The following IARS1 variants were observed in gnomAD, a reference collection of about 807,000 sequenced individuals.
The protein encoded by IARS1 is isoleucyl-tRNA synthetase 1, also known as isoleucine--tRNA ligase, cytoplasmic.
IARS1 carries 124 observed loss-of-function variants against 168.2 expected under a neutral mutation model. The observed-to-expected ratio is 0.74, with a 90% confidence interval of 0.64 to 0.86. The LOEUF is 0.86. IARS1 is among the 40% of genes least tolerant of loss of function. The pLI is 0.00. For synonymous variants in IARS1, 532 were observed against 529.4 expected, an observed-to-expected ratio of 1.00 and a Z score of -0.07; for missense variants, 1,452 against 1,515.8, an observed-to-expected ratio of 0.96 and a Z score of 0.70.
chr9:92,222,823 C>G (rs1442161975), intron 32 of IARS1, 151 bp from the exon 33 acceptor site: 2 of 601,360 alleles, frequency 3.3e-6, no homozygotes, highest in East Asian at 2.8e-5. Context: ...GCAGTCCATG[C>G]AGAAACAGCT....
In IARS1 at chr9:92,274,391, T is replaced by C. The variant is rs1244350796; in HGVS notation, c.990+35A>G. 2.0e-6 allele frequency: 3 copies of C among 1,517,518 alleles called. No individual in the cohort carries two copies. In the South Asian group the frequency reaches 3.4e-5, roughly 17 times the overall value. The allele number at this position is 1,517,518 out of a possible 1,614,324, so 94.0% of individuals were successfully genotyped here. On this transcript the variant is annotated intron_variant, in intron 10 of 33. Transcript: ENST00000443024. ...CATCTATGAAAAGTGGCTACCGACA[T>C]ACTCAAATACATTTGCCAGACTTAT...
At chr9:92,256,997 T>C (rs1830823860) in intron 19 of IARS1, among the ~76,000 whole-genome samples, 197 bp from the exon 20 acceptor site, 1 of 152,252 alleles carries the variant, frequency 6.6e-6, no homozygotes, top group Non-Finnish European at 1.5e-5. Context: ...TAATTTATTA[T>C]GTTTTTGAGT....
In IARS1 at chr9:92,250,828, A is replaced by G; in HGVS notation, c.2314T>C (p.Tyr772His). 6.2e-7 allele frequency: 1 copy of G among 1,606,072 alleles called. No individual in the cohort carries two copies. The highest frequency in any genetic ancestry group is 1.1e-5 in the South Asian group (1 of 89,360). ...ATCAATTCAGTGAGAAAAGGTGTGT[A>G]GGGAGCCTGTATGAAGACACAGGAC... is the stretch of plus-strand genomic sequence containing the variant. ...LLSLCRLMAPYTPFLTELMYQ... is the reference protein window; with the variant it reads ...LLSLCRLMAPHTPFLTELMYQ... Residue 772 changes from tyrosine to histidine, a missense_variant, in exon 23 of 34, where the codon TAC becomes CAC. Tyr to His is a moderately conservative substitution (Grantham distance 83). Coordinates refer to ENST00000443024, the MANE Select transcript of IARS1 (RefSeq NM_002161.6).
At chr9:92,223,096 T>G (rs1839896426) in intron 32 of IARS1, among the ~76,000 whole-genome samples, 1 of 152,184 alleles carries the variant, frequency 6.6e-6, no homozygotes, top group South Asian at 2.1e-4. Context: ...GATTAAAATG[T>G]TTTGGCACTC....
chr9:92,242,565 C>G (rs762833628), intron 28 of IARS1: 26 of 499,696 alleles, frequency 5.2e-5, no homozygotes, highest in Non-Finnish European at 8.1e-5. Flanking sequence ...CTAGAACAAT[C>G]AGTACCTCAT....
chr9:92,231,534 C>T (rs1350710606), intron 30 of IARS1, among the ~76,000 whole-genome samples: 1 of 150,996 alleles, frequency 6.6e-6, no homozygotes, highest in East Asian at 1.9e-4. Context: ...CTACTTCAGC[C>T]TCTCGAGTAG....
At position 92,235,309 on chromosome 9, in the gene IARS1, G is replaced by T. The variant is rs540421638; in HGVS notation, c.3283+5547C>A. On this transcript the variant is annotated intron_variant, in intron 30 of 33. Coordinates refer to ENST00000443024, the MANE Select transcript of IARS1 (RefSeq NM_002161.6). ...CCTTGTTCCTGATTTTAGGTAGAAAGAATTCAGGCTTTCCCCATTAGGTAT... is the reference window on the plus strand; with the variant it reads ...CCTTGTTCCTGATTTTAGGTAGAAATAATTCAGGCTTTCCCCATTAGGTAT... 5.9e-5 allele frequency among the ~76,000 whole-genome samples: 9 copies of T among 152,244 alleles called. No individual in the cohort carries two copies. In the South Asian group the frequency reaches 1.7e-3, roughly 28 times the overall value.
intron 33 of IARS1, among the ~76,000 whole-genome samples, chr9:92,222,170 A>T (rs1443801501): frequency 6.6e-6 from 1 of 151,736 alleles, no homozygotes; most frequent in African/African-American, 2.4e-5. Context: ...TCCAAAAATG[A>T]GCCAGCCATG....
At chr9:92,271,699 A>T (rs368711848) in intron 10 of IARS1, 44 bp from the exon 11 acceptor site, 7 of 1,606,344 alleles carry the variant, frequency 4.4e-6, no homozygotes, top group Non-Finnish European at 5.1e-6. Flanking sequence ...CAGTCTATGT[A>T]TGGGTGTGAG....
chr9:92,217,794 C>T (rs905132780), intron 33 of IARS1, among the ~76,000 whole-genome samples: 9 of 152,040 alleles, frequency 5.9e-5, no homozygotes, highest in Admixed American at 5.9e-4. Context: ...AGCTTACCAA[C>T]CAAAAAGAGT....
At chr9:92,253,983 T>C (rs991996113) in intron 20 of IARS1, 9 of 431,698 alleles carry the variant, frequency 2.1e-5, no homozygotes, top group African/African-American at 1.8e-4. Context: ...TGTCACAACT[T>C]GGAGGGTAGC....
chr9:92,272,170 CTA>C (rs1158538681), intron 10 of IARS1, among the ~76,000 whole-genome samples: 1 of 152,222 alleles, frequency 6.6e-6, no homozygotes, highest in Non-Finnish European at 1.5e-5. Context: ...GCTCCAGAGT[CTA>C]TAGTCTTCAT....
intron 31 of IARS1, among the ~76,000 whole-genome samples, chr9:92,224,433 GAGAACAGCCAGGGACTCAA>G (rs1825315460): frequency 6.6e-6 from 1 of 152,174 alleles, no homozygotes; most frequent in South Asian, 2.1e-4. Flanking sequence ...TGGACTAAAC[GAGAACAGCCAGGGACTCAA>G]AGAACAGAAT....
intron 33 of IARS1, among the ~76,000 whole-genome samples, chr9:92,216,864 C>T (rs1292930483): frequency 2.0e-5 from 3 of 147,226 alleles, no homozygotes; most frequent in Non-Finnish European, 4.5e-5. Flanking sequence ...GACAGATCAA[C>T]GAGACAGAAA....
intron 14 of IARS1, 39 bp downstream of exon 14, chr9:92,268,135 T>C (rs779480070): frequency 6.5e-7 from 1 of 1,527,992 alleles, no homozygotes; most frequent in African/African-American, 1.4e-5. Context: ...CAAAATGCTT[T>C]AGCAAAAATC....
chr9:92,255,526 C>T (rs773993260), intron 20 of IARS1, among the ~76,000 whole-genome samples: 2 of 152,164 alleles, frequency 1.3e-5, no homozygotes, highest in South Asian at 2.1e-4. Flanking sequence ...AATTACCCAA[C>T]GAACTCACTG....
intron 8 of IARS1, 101 bp from the exon 9 acceptor site, chr9:92,278,024 C>A (rs375566215): frequency 1.7e-6 from 2 of 1,207,264 alleles, no homozygotes; most frequent in Non-Finnish European, 2.4e-6. Context: ...GGCTTCTTAG[C>A]CCTAGCCATT....
chr9:92,211,626 A>G (rs1480558629), intron 33 of IARS1, among the ~76,000 whole-genome samples: 1 of 152,126 alleles, frequency 6.6e-6, no homozygotes, highest in Non-Finnish European at 1.5e-5. Context: ...CCATCACTTC[A>G]CAGTTTGGCT....
At chr9:92,244,247 ACGATACCTC>A in intron 27 of IARS1, among the ~76,000 whole-genome samples, 1 of 152,150 alleles carries the variant, frequency 6.6e-6, no homozygotes, top group Non-Finnish European at 1.5e-5. Context: ...TTTCCCAGCT[ACGATACCTC>A]CGACTCCTTG....
Sources: gnomAD v4.1 joint callset for allele counts (sites outside exome capture counted in the v4.1 genomes callset) on GRCh38, gnomAD v4.1.1 for gene constraint, MANE v1.5 for transcripts, NCBI Gene and HGNC (gene_info 2026-07-23, HGNC 2026-07-21) for gene names.